Variants in ZFYVE16 observed in about 807,000 individuals in gnomAD.
ZFYVE16 encodes the protein zinc finger FYVE-type containing 16, also known as zinc finger FYVE domain-containing protein 16.
A neutral mutation model predicts 138.1 loss-of-function variants in ZFYVE16; 89 were observed. The observed-to-expected ratio is 0.64, with a 90% CI of 0.54 to 0.77. The LOEUF (loss-of-function observed/expected upper bound fraction) is 0.77. Among genes scored for constraint, ZFYVE16 ranks in the 30% least tolerant of loss-of-function variants. The pLI is 0.00. For synonymous variants in ZFYVE16, 596 were observed against 618.3 expected (o/e 0.96, Z 0.53); for missense variants, 1,793 against 1,786.7 (o/e 1.00, Z -0.06).
chr5:80,436,410 C>G (rs1400395131), intron 3 of ZFYVE16, among the ~76,000 whole-genome samples: 1 of 152,230 alleles, frequency 6.6e-6, no homozygotes, highest in African/African-American at 2.4e-5. Context: ...TAAGGACATT[C>G]GTTTATGCAG....
intron 7 of ZFYVE16, 76 bp from the exon 8 acceptor site, chr5:80,447,950 G>T: frequency 7.8e-7 from 1 of 1,274,940 alleles, no homozygotes; most frequent in Non-Finnish European, 1.1e-6. Flanking sequence ...GATATGTTTG[G>T]CTATAGTGAT....
chr5:80,419,533 C>T (rs1746769311), intron 1 of ZFYVE16, among the ~76,000 whole-genome samples: 1 of 152,114 alleles, frequency 6.6e-6, no homozygotes, highest in Non-Finnish European at 1.5e-5. Flanking sequence ...ATTCTAGATT[C>T]TTTGTCTTTT....
chr5:80,464,830 T>G (rs1753509127), intron 15 of ZFYVE16, among the ~76,000 whole-genome samples: 1 of 152,216 alleles, frequency 6.6e-6, no homozygotes, highest in South Asian at 2.1e-4. Flanking sequence ...TTTTTAGTTA[T>G]TTCTTAGTTG....
intron 7 of ZFYVE16, among the ~76,000 whole-genome samples, chr5:80,445,994 C>G (rs991644495): frequency 2.1e-4 from 31 of 151,122 alleles, no homozygotes; most frequent in African/African-American, 7.6e-4. Flanking sequence ...CTCCCGGATT[C>G]AAGTGATTCT....
At chr5:80,429,128 A>C (rs1748591793) in intron 2 of ZFYVE16, among the ~76,000 whole-genome samples, 1 of 152,210 alleles carries the variant, frequency 6.6e-6, no homozygotes, top group Non-Finnish European at 1.5e-5. Flanking sequence ...CTCCTCGAGA[A>C]GAGCAACTCC....
At position 80,438,839 on chromosome 5, in the gene ZFYVE16, C is replaced by A; in HGVS notation, c.2154C>A (p.Phe718Leu). ...IESNSEGGSS[F>L]VTANEDSVPE... is the part of the protein sequence containing the mutation. Reference sequence around the variant, plus strand: ...GTAATTCTGAAGGTGGATCTAGTTTCGTAACTGCAAATGAAGATTCTGTAC... The same window carrying A: ...GTAATTCTGAAGGTGGATCTAGTTTAGTAACTGCAAATGAAGATTCTGTAC... Residue 718 changes from phenylalanine (F) to leucine (L), a missense_variant, in exon 4 of 19, where the codon TTC becomes TTA. By Grantham distance (22) the Phe-to-Leu change is conservative. Transcript: ENST00000505560. 6.2e-7 allele frequency: 1 copy of A among 1,613,978 alleles called. No individual in the cohort carries two copies. The highest frequency in any genetic ancestry group is 8.5e-7 in the Non-Finnish European group (1 of 1,179,940).
rs186177440 is a variant in ZFYVE16, at chr5:80,468,904, G to A, written c.4025-3857G>A. ...CTTATGCTTTTTATTTATTTATTTT[G>A]GTTACTGGCTGGGACTCCTAATATA... On this transcript the variant is annotated intron_variant, in intron 15 of 18. Transcript: ENST00000505560. Among the ~76,000 whole-genome samples the A allele has an allele frequency of 2.0e-5, 3 of 151,088 alleles. No homozygotes were observed. The East Asian group carries it at 5.8e-4, about 29-fold the overall frequency.
Position 80,481,334 on chromosome 5 carries a change from C to G in ZFYVE16, c.*3957C>G, listed in dbSNP as rs1190466321. On this transcript the variant is annotated 3_prime_UTR_variant, in exon 19 of 19. Coordinates refer to ENST00000505560, the MANE Select transcript of ZFYVE16 (RefSeq NM_001284236.3). ...AGGTAAGATCACAAATAGGAGGGAA[C>G]TGAAGAAAAGGAACCCTTAAATCTG... 6.6e-6 allele frequency among the ~76,000 whole-genome samples: 1 copy of G among 152,148 alleles called. No homozygotes were observed. The highest frequency in any genetic ancestry group is 1.5e-5 in the Non-Finnish European group (1 of 68,036).
chr5:80,451,506 A>G lies in ZFYVE16; in HGVS notation c.3404A>G (p.Asp1135Gly). ...ALKGKYIENL[D>G]NITFTESFLS... Reference sequence around the variant, plus strand: ...GCAGGAAAATACATAGAAAACTTGGACAATATTACCTTTACTGAGAGTTTT... The same window carrying G: ...GCAGGAAAATACATAGAAAACTTGGGCAATATTACCTTTACTGAGAGTTTT... Residue 1135 changes from aspartate (D) to glycine (G), a missense_variant, in exon 11 of 19, where the codon GAC (aspartate) becomes GGC (glycine). Physicochemically the swap from Asp to Gly is moderately conservative, Grantham distance 94. Transcript: ENST00000505560. 6 of 1,604,876 alleles carry G rather than the reference A, an allele frequency of 3.7e-6. No individual in the cohort carries two copies. Among genetic ancestry groups the G allele is most frequent in the Non-Finnish European group, 5.1e-6 (6 of 1,176,830 alleles).
Position 80,437,787 on chromosome 5 carries a change from A to C in ZFYVE16, c.1102A>C (p.Ser368Arg). 1 of 1,614,118 alleles carries C rather than the reference A, an allele frequency of 6.2e-7. No homozygotes were observed. Among genetic ancestry groups the C allele is most frequent in the Non-Finnish European group, 8.5e-7 (1 of 1,179,982 alleles). Residue 368 changes from serine (S) to arginine (R), a missense_variant, in exon 4 of 19, where the codon AGT becomes CGT. Ser to Arg is a moderately radical substitution (Grantham distance 110). Transcript: ENST00000505560. ...QDSSSALHVS[S>R]KDVPSSLSCL... ...TTCCTCTTCAGCTTTACATGTTTCC[A>C]GTAAAGATGTGCCGTCCTCATTGTC...
At position 80,481,650 on chromosome 5, in the gene ZFYVE16, C is replaced by T. The variant is rs1755274556; in HGVS notation, c.*4273C>T. ...AAAAACATTCTTATGAAGATTTAAA[C>T]AGGATAGAGAATATCATAATATTCC... On this transcript the variant is annotated 3_prime_UTR_variant, in exon 19 of 19. Coordinates refer to ENST00000505560, the MANE Select transcript of ZFYVE16 (RefSeq NM_001284236.3). Among the ~76,000 whole-genome samples the T allele has an allele frequency of 6.6e-6, 1 of 152,098 alleles. No individual in the cohort carries two copies. The highest frequency in any genetic ancestry group is 6.5e-5 in the Admixed American group (1 of 15,276).
rs544365394 is a variant in ZFYVE16, at chr5:80,480,905, A to G, written c.*3528A>G. Among the ~76,000 whole-genome samples, 1 of 152,312 alleles carries G rather than the reference A, an allele frequency of 6.6e-6. No individual in the cohort carries two copies. The highest frequency in any genetic ancestry group is 2.1e-4 in the South Asian group (1 of 4,828). On this transcript the variant is annotated 3_prime_UTR_variant, in exon 19 of 19. Coordinates refer to ENST00000505560, the MANE Select transcript of ZFYVE16 (RefSeq NM_001284236.3). The stretch of plus-strand genomic sequence containing the variant: ...ACAGAGCAAAACCTTGTCTCAAAAA[A>G]AAGGAAAAAGAAAAAAGACATTTAA...
At chr5:80,430,343 G>T (rs1285040753) in intron 2 of ZFYVE16, among the ~76,000 whole-genome samples, 2 of 151,102 alleles carry the variant, frequency 1.3e-5, no homozygotes, top group African/African-American at 2.4e-5. Flanking sequence ...ATGACTACTG[G>T]GTACGTAACG....
At position 80,437,181 on chromosome 5, in the gene ZFYVE16, T is replaced by G; in HGVS notation, c.496T>G (p.Leu166Val). 6.2e-7 allele frequency: 1 copy of G among 1,614,062 alleles called. No homozygotes were observed. The highest frequency in any genetic ancestry group is 1.3e-5 in the African/African-American group (1 of 75,056). ...SNADSLIGLD[L>V]SSVSDTPCVS... ...TGCAGATTCCTTGATTGGATTGGAT[T>G]TATCTTCAGTGTCAGATACTCCCTG... is the stretch of plus-strand genomic sequence containing the variant. Residue 166 changes from leucine (L) to valine (V), a missense_variant, in exon 4 of 19, where the codon TTA becomes GTA. Coordinates refer to ENST00000505560, the MANE Select transcript of ZFYVE16 (RefSeq NM_001284236.3).
rs765139867 is a variant in ZFYVE16, at chr5:80,448,159, A to T, written c.2858A>T (p.Asn953Ile). ...CCATCAGTGGAAAAATTGTCTATGA[A>T]CACAGGAAATGAGGGGTTACCTACT... ...QVPSVEKLSMNTGNEGLPTSG... is the reference protein window; with the variant it reads ...QVPSVEKLSMITGNEGLPTSG... Residue 953 changes from asparagine to isoleucine, a missense_variant, in exon 8 of 19, where the codon AAC (asparagine) becomes ATC (isoleucine). By Grantham distance (149) the Asn-to-Ile change is moderately radical. Around this residue, in one of 2 missense-constraint regions of ZFYVE16, gnomAD observed 1,295 missense variants for 1,204.3 expected, o/e 1.08. Transcript: ENST00000505560. 1.2e-6 allele frequency: 2 copies of T among 1,614,008 alleles called. No individual in the cohort carries two copies. The highest frequency in any genetic ancestry group is 3.3e-5 in the Admixed American group (2 of 60,014).
chr5:80,421,290 C>G (rs1162641015), intron 1 of ZFYVE16, among the ~76,000 whole-genome samples: 1 of 152,172 alleles, frequency 6.6e-6, no homozygotes, highest in Non-Finnish European at 1.5e-5. Context: ...TGCAGATGCT[C>G]TTTAGTTTAA....
chr5:80,430,340 C>T (rs1446558589), intron 2 of ZFYVE16, among the ~76,000 whole-genome samples: 3 of 151,566 alleles, frequency 2.0e-5, no homozygotes, highest in Admixed American at 6.6e-5. Context: ...TGAATGACTA[C>T]TGGGTACGTA....
intron 12 of ZFYVE16, 127 bp downstream of exon 12, chr5:80,455,901 C>A: frequency 1.2e-6 from 1 of 805,442 alleles, no homozygotes; most frequent in African/African-American, 1.8e-5. Flanking sequence ...CATTCATTTA[C>A]AATAAATCCT....
At chr5:80,432,763 C>T (rs1384080346) in intron 2 of ZFYVE16, among the ~76,000 whole-genome samples, 1 of 152,112 alleles carries the variant, frequency 6.6e-6, no homozygotes, top group South Asian at 2.1e-4. Context: ...CCAACAACCC[C>T]ATCAACAAGT....
Sources: allele counts gnomAD v4.1 joint callset (sites outside exome capture counted in the v4.1 genomes callset), GRCh38; gene constraint gnomAD v4.1.1; regional missense constraint gnomAD v4.1.1; transcripts MANE v1.5; gene names NCBI Gene and HGNC (gene_info 2026-07-23, HGNC 2026-07-21).